The following GPC6 variants were observed in gnomAD, a reference collection of about 807,000 sequenced individuals.
GPC6 encodes the protein glypican-6.
A neutral mutation model predicts 55.2 loss-of-function variants in GPC6; 14 were observed. The ratio of observed to expected loss-of-function variants is 0.25; its 90% CI spans 0.17 to 0.40. The LOEUF is 0.40. Ranked by LOEUF, GPC6 falls within the 10% of genes least tolerant of loss-of-function variation. GPC6 has a pLI of 1.00. For synonymous variants in GPC6, 278 were observed against 259.6 expected (o/e 1.07, Z -0.68); for missense variants, 641 against 708.5 (o/e 0.90, Z 1.08).
At chr13:94,240,268 C>T (rs1221471963) in intron 4 of GPC6, among the ~76,000 whole-genome samples, 1 of 152,146 alleles carries the variant, frequency 6.6e-6, no homozygotes, top group Non-Finnish European at 1.5e-5. Context: ...CTGGGGCTGA[C>T]TCTGAGCTCC....
intron 1 of GPC6, among the ~76,000 whole-genome samples, chr13:93,412,269 A>AT (rs1876530804): frequency 6.6e-6 from 1 of 152,172 alleles, no homozygotes; most frequent in Non-Finnish European, 1.5e-5. Context: ...TGAAAGTTGT[A>AT]TAGCCACCAC....
intron 4 of GPC6, among the ~76,000 whole-genome samples, chr13:94,163,074 A>G (rs1015981011): frequency 1.3e-5 from 2 of 152,166 alleles, no homozygotes; most frequent in Admixed American, 6.5e-5. Context: ...GATGATCTGA[A>G]TCATTATTTT....
chr13:93,742,245 G>C (rs1200964879), intron 2 of GPC6, among the ~76,000 whole-genome samples: 1 of 152,176 alleles, frequency 6.6e-6, no homozygotes. Flanking sequence ...TGTAAAGTGT[G>C]CCAAATAAGC....
intron 7 of GPC6, 53 bp downstream of exon 7, chr13:94,382,603 G>A (rs1446262069): frequency 1.9e-6 from 3 of 1,610,176 alleles, no homozygotes; most frequent in East Asian, 2.2e-5. Context: ...CCCAGCCTTG[G>A]AAGACTCTCC....
Position 94,245,834 on chromosome 13 carries a change from A to G in GPC6, c.878-40515A>G, listed in dbSNP as rs117378510. 5.0e-3 allele frequency among the ~76,000 whole-genome samples: 756 copies of G among 152,172 alleles called. 1 individual carries two copies. The highest frequency in any genetic ancestry group is 7.9e-3 in the Non-Finnish European group (535 of 67,988). ...TATTCTAAATAATGCTGTAGTGAAC[A>G]TGGGATTGCAGATACCTTTGTGAGG... On this transcript the variant is annotated intron_variant, in intron 4 of 8. Transcript: ENST00000377047.
intron 1 of GPC6, among the ~76,000 whole-genome samples, chr13:93,440,227 A>G (rs1459941422): frequency 1.3e-5 from 2 of 152,124 alleles, no homozygotes; most frequent in East Asian, 3.8e-4. Flanking sequence ...TATTTCTTCA[A>G]CCACTTGGAT....
chr13:94,348,995 G>T, intron 6 of GPC6, among the ~76,000 whole-genome samples: 1 of 152,146 alleles, frequency 6.6e-6, no homozygotes. Context: ...ACAAATACCT[G>T]TTTGTTTTAA....
intron 2 of GPC6, among the ~76,000 whole-genome samples, chr13:93,662,924 G>T (rs1880983861): frequency 6.6e-6 from 1 of 151,988 alleles, no homozygotes; most frequent in African/African-American, 2.4e-5. Flanking sequence ...TCAGAATTCT[G>T]GTGAAGTCAG....
At chr13:93,635,049 T>C (rs559015378) in intron 2 of GPC6, among the ~76,000 whole-genome samples, 1 of 152,122 alleles carries the variant, frequency 6.6e-6, no homozygotes, top group Admixed American at 6.6e-5. Context: ...ATAAGTCCTA[T>C]CCAAGGACAA....
intron 4 of GPC6, among the ~76,000 whole-genome samples, chr13:94,175,984 AGAG>A (rs1566502717): frequency 1.4e-5 from 2 of 144,376 alleles, no homozygotes; most frequent in African/African-American, 5.1e-5. Context: ...AGAGAGAGAG[AGAG>A]AGAGAGCGAG....
chr13:93,885,903 G>C (rs1875295068), intron 3 of GPC6, among the ~76,000 whole-genome samples: 3 of 152,060 alleles, frequency 2.0e-5, no homozygotes, highest in Admixed American at 1.3e-4. Flanking sequence ...AGAGAGATGA[G>C]ATTTATGCCG....
At chr13:93,810,443 A>G (rs903382900) in intron 2 of GPC6, among the ~76,000 whole-genome samples, 5 of 152,190 alleles carry the variant, frequency 3.3e-5, no homozygotes, top group African/African-American at 1.2e-4. Context: ...CTGGCTTTAA[A>G]GTTGCTTTTG....
At chr13:93,381,742 C>T (rs1452447465) in intron 1 of GPC6, among the ~76,000 whole-genome samples, 1 of 152,090 alleles carries the variant, frequency 6.6e-6, no homozygotes, top group Non-Finnish European at 1.5e-5. Context: ...AGGTTAATTA[C>T]ACAAGTGGCA....
chr13:93,386,933 C>A (rs1318703215), intron 1 of GPC6, among the ~76,000 whole-genome samples: 2 of 152,112 alleles, frequency 1.3e-5, no homozygotes, highest in African/African-American at 2.4e-5. Context: ...CTTCTTCTGT[C>A]CTTTTCTGTC....
intron 1 of GPC6, among the ~76,000 whole-genome samples, chr13:93,465,908 T>A (rs1878886480): frequency 6.6e-6 from 1 of 152,172 alleles, no homozygotes; most frequent in African/African-American, 2.4e-5. Context: ...GTTGCCAGAT[T>A]ATCAATTTGC....
At chr13:93,427,490 A>G (rs1411076281) in intron 1 of GPC6, among the ~76,000 whole-genome samples, 2 of 152,028 alleles carry the variant, frequency 1.3e-5, no homozygotes, top group Admixed American at 1.3e-4. Flanking sequence ...GAGAAAAACA[A>G]GCAATGGGGA....
intron 1 of GPC6, among the ~76,000 whole-genome samples, chr13:93,432,618 C>T (rs1231031652): frequency 6.6e-6 from 1 of 152,070 alleles, no homozygotes; most frequent in Admixed American, 6.6e-5. Context: ...GTTACTAATG[C>T]CCCAAAATAC....
intron 4 of GPC6, among the ~76,000 whole-genome samples, chr13:94,050,889 A>G (rs1039477310): frequency 3.2e-4 from 49 of 152,278 alleles, no homozygotes; most frequent in African/African-American, 1.2e-3. Context: ...AACTAGCACC[A>G]TAAATGGCAT....
Position 94,178,089 on chromosome 13 carries a change from A to G in GPC6, c.878-108260A>G, listed in dbSNP as rs549389929. 8.8e-3 allele frequency among the ~76,000 whole-genome samples: 1,283 copies of G among 145,496 alleles called. 12 individuals are homozygous for G. The highest frequency in any genetic ancestry group is 0.013 in the Non-Finnish European group (899 of 67,232). On this transcript the variant is annotated intron_variant, in intron 4 of 8. Coordinates refer to ENST00000377047, the MANE Select transcript of GPC6 (RefSeq NM_005708.5). ...GCTGGAGTGCAGTGGTGCGATCTCA[A>G]CTCACTGCAACCTCCGCCTCCTGGG...
Sources: gnomAD v4.1 joint callset for allele counts (sites outside exome capture counted in the v4.1 genomes callset) on GRCh38, gnomAD v4.1.1 for gene constraint, MANE v1.5 for transcripts, NCBI Gene and HGNC (gene_info 2026-07-23, HGNC 2026-07-21) for gene names.